The following USP43 variants were observed in gnomAD, a reference collection of about 807,000 sequenced individuals.
The protein encoded by USP43 is ubiquitin carboxyl-terminal hydrolase 43.
USP43 carries 33 observed loss-of-function variants against 90.7 expected under a neutral mutation model. The ratio of observed to expected loss-of-function variants is 0.36; its 90% CI spans 0.28 to 0.49. The LOEUF is 0.49. Among genes scored for constraint, USP43 ranks in the 20% least tolerant of loss-of-function variants. The pLI is 0.98. For synonymous variants in USP43, 598 were observed against 615.8 expected, an observed-to-expected ratio of 0.97 and a Z score of 0.43; for missense variants, 1,274 against 1,476.4, an observed-to-expected ratio of 0.86 and a Z score of 2.25.
chr17:9,682,263 C>T (rs901919964), intron 6 of USP43, among the ~76,000 whole-genome samples: 2 of 152,116 alleles, frequency 1.3e-5, no homozygotes, highest in Non-Finnish European at 2.9e-5. Flanking sequence ...ATTCTTGTTC[C>T]TGTTTTAAAA....
chr17:9,672,978 C>G (rs1200665809), intron 3 of USP43, among the ~76,000 whole-genome samples: 1 of 152,202 alleles, frequency 6.6e-6, no homozygotes, highest in Non-Finnish European at 1.5e-5. Context: ...CTCAGGAAAC[C>G]TGTTCTGATA....
At chr17:9,689,721 C>A (rs1304858175) in intron 8 of USP43, among the ~76,000 whole-genome samples, 2 of 152,080 alleles carry the variant, frequency 1.3e-5, no homozygotes, top group Non-Finnish European at 2.9e-5. Context: ...GCTACCCAAA[C>A]ACTTTTATGG....
chr17:9,675,025 T>C, intron 4 of USP43, 42 bp downstream of exon 4: 1 of 1,549,394 alleles, frequency 6.5e-7, no homozygotes, highest in Non-Finnish European at 8.9e-7. Context: ...TTGACTTCCA[T>C]CCTTACTCAT....
chr17:9,691,925 C>A (rs982761811), intron 8 of USP43, among the ~76,000 whole-genome samples: 2 of 150,584 alleles, frequency 1.3e-5, no homozygotes, highest in South Asian at 4.2e-4. Flanking sequence ...CGCCCGTAGT[C>A]CCAGCTACTC....
rs371315013 is a variant in USP43, at chr17:9,701,233, C to A, written c.1650C>A (p.Thr550=). The change falls in exon 11 of 15, where the codon ACC becomes ACA. Residue 550 remains threonine (T), a synonymous_variant. Transcript: ENST00000285199. The surrounding 1 kb of genome is among the most constrained non-coding windows in gnomAD (Gnocchi z 7.2). ...CTLDECFQFY[T]KEEQLAQDDA... is the part of the protein sequence containing the mutation. ...TGGATGAATGTTTTCAGTTCTACACCAAGGAGGAGCAGGTCCCGCCCTGGG... is the reference window on the plus strand; with the variant it reads ...TGGATGAATGTTTTCAGTTCTACACAAAGGAGGAGCAGGTCCCGCCCTGGG... The A allele has an allele frequency of 3.7e-6, 6 of 1,606,002 alleles. No homozygotes were observed. The highest frequency in any genetic ancestry group is 4.3e-6 in the Non-Finnish European group (5 of 1,175,966).
chr17:9,652,212 C>CAAAAAAAAAAAAAAAA (rs769295315), intron 1 of USP43, among the ~76,000 whole-genome samples: 9 of 42,680 alleles, frequency 2.1e-4, no homozygotes, highest in African/African-American at 7.3e-4. Flanking sequence ...GCCCTTAGCG[C>CAAAAAAAAAAAAAAAA]AAAAAAAAAA....
chr17:9,666,303 C>T (rs192840313), intron 2 of USP43, among the ~76,000 whole-genome samples: 171 of 152,236 alleles, frequency 1.1e-3, no homozygotes, highest in African/African-American at 3.8e-3. Context: ...AATAAATATA[C>T]GAGAGGCATC....
At chr17:9,706,631 ATTTTTTTT>A (rs34165346) in intron 12 of USP43, among the ~76,000 whole-genome samples, 11 of 84,466 alleles carry the variant, frequency 1.3e-4, no homozygotes, top group South Asian at 4.5e-4. Flanking sequence ...TCAGATATTA[ATTTTTTTT>A]TTTTTTTTTT....
intron 14 of USP43, among the ~76,000 whole-genome samples, chr17:9,723,884 C>T (rs1487582455): frequency 6.6e-6 from 1 of 152,092 alleles, no homozygotes; most frequent in East Asian, 1.9e-4. Context: ...GCTGGGATTA[C>T]AGGCGTGAGC....
intron 14 of USP43, among the ~76,000 whole-genome samples, chr17:9,719,598 C>T (rs1377548147): frequency 6.6e-6 from 1 of 152,206 alleles, no homozygotes; most frequent in African/African-American, 2.4e-5. Flanking sequence ...CCCGTTCCCT[C>T]TGGGTGCCAG....
intron 1 of USP43, among the ~76,000 whole-genome samples, chr17:9,650,548 A>G (rs1039066642): frequency 6.6e-6 from 1 of 152,022 alleles, no homozygotes; most frequent in Non-Finnish European, 1.5e-5. Context: ...GATTACAGAC[A>G]TGCACCACCA....
intron 7 of USP43, among the ~76,000 whole-genome samples, chr17:9,685,711 G>A (rs533583961): frequency 6.6e-6 from 1 of 152,262 alleles, no homozygotes; most frequent in East Asian, 1.9e-4. Context: ...ACATATTTAT[G>A]GGGTACGGAG....
chr17:9,707,519 C>A (rs924801582), intron 12 of USP43, among the ~76,000 whole-genome samples: 4 of 151,648 alleles, frequency 2.6e-5, no homozygotes, highest in Admixed American at 6.6e-5. Context: ...TGGTGGCAGG[C>A]GCCTGTAGTC....
At chr17:9,707,822 A>G (rs1915973661) in intron 12 of USP43, among the ~76,000 whole-genome samples, 1 of 152,172 alleles carries the variant, frequency 6.6e-6, no homozygotes. Context: ...TATATTAAGT[A>G]CCTGTTCTAT....
rs145967907 is a variant in USP43, at chr17:9,698,884, T to C, written c.1458-1288T>C. On this transcript the variant is annotated intron_variant, in intron 9 of 14. Transcript: ENST00000285199. ...AGTCCAATTTGGGCTTTCAAATGTG[T>C]TTCCCCAGAATTAAATTACGTACCC... Among the ~76,000 whole-genome samples the C allele has an allele frequency of 3.1e-3, 476 of 152,348 alleles. 1 individual carries two copies. Among genetic ancestry groups the C allele is most frequent in the South Asian group, 6.2e-3 (30 of 4,830 alleles).
Position 9,688,209 on chromosome 17 carries a change from G to A in USP43, c.1353+1300G>A, listed in dbSNP as rs183670061. 2.4e-3 allele frequency among the ~76,000 whole-genome samples: 359 copies of A among 150,990 alleles called. 2 individuals carry two copies. Among genetic ancestry groups the A allele is most frequent in the Non-Finnish European group, 1.9e-3 (126 of 67,766 alleles). The stretch of plus-strand genomic sequence containing the variant: ...TCACTGTGTTAGCCAGGATGGTCTC[G>A]ATCTCTTGACCTCGTGATCCACTGG... On this transcript the variant is annotated intron_variant, in intron 8 of 14. Coordinates refer to ENST00000285199, the MANE Select transcript of USP43 (RefSeq NM_153210.5).
At position 9,726,522 on chromosome 17, in the gene USP43, C is replaced by G. The variant is rs1361318436; in HGVS notation, c.2336-1432C>G. Among the ~76,000 whole-genome samples, 6 of 152,182 alleles carry G rather than the reference C, an allele frequency of 3.9e-5. No homozygotes were observed. The East Asian group carries it at 9.6e-4, about 24-fold the overall frequency. ...GGGGCCCTGGAGAGGTTCTTCCCGG[C>G]TGCAGACAGCTTCATGTGTCCTCAC... On this transcript the variant is annotated intron_variant, in intron 14 of 14. Coordinates refer to ENST00000285199, the MANE Select transcript of USP43 (RefSeq NM_153210.5).
Position 9,701,167 on chromosome 17 carries a change from G to A in USP43, c.1584G>A (p.Val528=). ...AGCGAGCGCAGGATGCCGACAGTGTGTGGCAGCAGCAGCAGGCGCATCAGC... is the reference window on the plus strand; with the variant it reads ...AGCGAGCGCAGGATGCCGACAGTGTATGGCAGCAGCAGCAGGCGCATCAGC... ...QEERAQDADS[V]WQQQQAHQQH... The change falls in exon 11 of 15, where the codon GTG becomes GTA. Residue 528 remains valine, a synonymous_variant. Transcript: ENST00000285199. This position sits in a 1 kb window ranked among gnomAD's most constrained non-coding sequence, Gnocchi z 7.2. 1 of 1,536,094 alleles carries A rather than the reference G, an allele frequency of 6.5e-7. No individual in the cohort carries two copies.
chr17:9,680,883 C>T (rs1458835406), intron 6 of USP43, among the ~76,000 whole-genome samples: 1 of 150,764 alleles, frequency 6.6e-6, no homozygotes, highest in Admixed American at 6.7e-5. Flanking sequence ...CTTCTTAATG[C>T]TTGCTTTTCC....
Sources: allele counts gnomAD v4.1 joint callset (sites outside exome capture counted in the v4.1 genomes callset), GRCh38; gene constraint gnomAD v4.1.1; non-coding constraint Gnocchi (gnomAD v3.1); transcripts MANE v1.5; gene names NCBI Gene and HGNC (gene_info 2026-07-23, HGNC 2026-07-21).